The following PPM1F variants were observed in gnomAD, a reference collection of about 807,000 sequenced individuals.
The protein encoded by PPM1F is protein phosphatase 1F.
A neutral mutation model predicts 35.5 loss-of-function variants in PPM1F; 17 were observed. The observed-to-expected ratio is 0.48, with a 90% CI of 0.33 to 0.72. The LOEUF is 0.72. Ranked by LOEUF, PPM1F falls within the 30% of genes least tolerant of loss-of-function variation. PPM1F has a pLI of 0.02. For synonymous variants in PPM1F, 241 were observed against 255.5 expected, an observed-to-expected ratio of 0.94 and a Z score of 0.54; for missense variants, 521 against 613.0, an observed-to-expected ratio of 0.85 and a Z score of 1.59.
At chr22:21,927,942 GTTTTTTTTTTTTTTT>G (rs60216371) in intron 6 of PPM1F, among the ~76,000 whole-genome samples, 4 of 75,126 alleles carry the variant, frequency 5.3e-5, no homozygotes, top group South Asian at 1.3e-3. Flanking sequence ...TTTTTGTTTT[GTTTTTTTTTTTTTTT>G]TTTTTTTTTT....
rs2070430874 is a variant in PPM1F, at chr22:21,920,174, C to T, written c.*2918G>A. 1.3e-5 allele frequency: 2 copies of T among 152,540 alleles called. No homozygotes were observed. Among genetic ancestry groups the T allele is most frequent in the African/African-American group, 4.8e-5 (2 of 41,452 alleles). 9.4% of individuals were successfully genotyped at this position (152,540 alleles called of 1,614,324 possible). A position where few individuals can be genotyped will look rare whatever the true frequency, so the allele number is the denominator to read the frequency against. On this transcript the variant is annotated 3_prime_UTR_variant, in exon 8 of 8. Transcript: ENST00000263212. ...ACTAATAAGACTTAACCACCCCAAC[C>T]TGCTGGCAGCAGGAGGGCCCCTGTG...
At chr22:21,936,831 C>G (rs2070665459) in intron 3 of PPM1F, 1 of 152,220 alleles carries the variant, frequency 6.6e-6, no homozygotes. Context: ...TAAGCTGCTC[C>G]CAGATTCCAG....
intron 3 of PPM1F, chr22:21,937,944 A>G: frequency 2.0e-6 from 1 of 497,378 alleles, no homozygotes; most frequent in Non-Finnish European, 3.1e-6. Context: ...CTTCAGTGGC[A>G]ATTCTTATAA....
chr22:21,931,958 G>C (rs578213969), intron 5 of PPM1F, among the ~76,000 whole-genome samples: 1 of 151,976 alleles, frequency 6.6e-6, no homozygotes, highest in African/African-American at 2.4e-5. Flanking sequence ...GACTATAGGC[G>C]CGTGCCACCA....
rs945531024 is a variant in PPM1F, at chr22:21,938,666, T to G, written c.355+866A>C. 4 of 956,012 alleles carry G rather than the reference T, an allele frequency of 4.2e-6. No individual in the cohort carries two copies. The Admixed American group carries it at 2.1e-4, about 50-fold the overall frequency. The allele number at this position is 956,012 out of a possible 1,614,324, so 59.2% of individuals were successfully genotyped here. On this transcript the variant is annotated intron_variant, in intron 3 of 7. Coordinates refer to ENST00000263212, the MANE Select transcript of PPM1F (RefSeq NM_014634.4). ...AAGGGAAAATCCACTGCAACTCTGC[T>G]GCCTGCTGGCCTGTCCAGGGACAAC...
At chr22:21,924,401 G>A (rs1271367324) in intron 7 of PPM1F, among the ~76,000 whole-genome samples, 1 of 151,876 alleles carries the variant, frequency 6.6e-6, no homozygotes, top group Non-Finnish European at 1.5e-5. Flanking sequence ...CCAAGTAGCT[G>A]CGATTACAGG....
intron 6 of PPM1F, chr22:21,926,046 G>A (rs1370374468): frequency 9.9e-6 from 2 of 202,226 alleles, no homozygotes; most frequent in African/African-American, 2.3e-5. Context: ...GAAAGCTGCT[G>A]GGCCAAGATG....
At chr22:21,923,611 A>G in intron 7 of PPM1F, 140 bp from the exon 8 acceptor site, 2 of 888,978 alleles carry the variant, frequency 2.2e-6, no homozygotes, top group Non-Finnish European at 3.3e-6. Context: ...TTGCTCCCTT[A>G]TGCAAACTGC....
chr22:21,925,834 CAG>C (rs1315830893), intron 6 of PPM1F, 172 bp from the exon 7 acceptor site: 1 of 512,744 alleles, frequency 2.0e-6, no homozygotes, highest in East Asian at 3.0e-5. Flanking sequence ...TCATCAAAAA[CAG>C]TGAGAAATTA....
At chr22:21,942,087 A>G (rs6000236) in intron 2 of PPM1F, 29,600 of 152,044 alleles carry the variant, frequency 0.19, 3,443 homozygotes, top group African/African-American at 0.31. Flanking sequence ...TGTCCCTGAG[A>G]GTGGGGGTCA....
chr22:21,930,490 C>T (rs987259880), intron 6 of PPM1F, among the ~76,000 whole-genome samples: 3 of 152,176 alleles, frequency 2.0e-5, no homozygotes, highest in South Asian at 2.1e-4. Flanking sequence ...ATGCAATGTC[C>T]GCAGCCCCAA....
At chr22:21,932,570 A>G (rs1441876008) in intron 5 of PPM1F, 1 of 152,152 alleles carries the variant, frequency 6.6e-6, no homozygotes, top group Non-Finnish European at 1.5e-5. Context: ...AATGGGTACA[A>G]TATTAGTATT....
At chr22:21,925,904 G>A in intron 6 of PPM1F, 1 of 436,918 alleles carries the variant, frequency 2.3e-6, no homozygotes, top group Non-Finnish European at 4.1e-6. Context: ...ACCACCTGAG[G>A]CCGCCTAGCG....
Position 21,939,608 on chromosome 22 carries a change from G to A in PPM1F, c.279C>T (p.Ser93=), listed in dbSNP as rs376795037. ...CCTCCCTGGGCAACTTCCTGAATTC[G>A]GAAAGGTCTGTCTGTAGCAGCTGTG... ...AVSQLLQTDL[S]EFRKLPREEE... Residue 93 remains serine, a synonymous_variant, in exon 3 of 8, where the codon TCC becomes TCT. Transcript: ENST00000263212. This position sits in a 1 kb window ranked among gnomAD's most constrained non-coding sequence, Gnocchi z 5.1. 16 of 1,563,442 alleles carry A rather than the reference G, an allele frequency of 1.0e-5. No homozygotes were observed. Among genetic ancestry groups the A allele is most frequent in the East Asian group, 9.4e-5 (4 of 42,454 alleles).
chr22:21,939,309 G>C lies in PPM1F; in HGVS notation c.355+223C>G. On this transcript the variant is annotated intron_variant, in intron 3 of 7. Transcript: ENST00000263212. The surrounding 1 kb of genome is among the most constrained non-coding windows in gnomAD (Gnocchi z 5.1). ...GAGGGTGTCTGCACCACCCACCCCT[G>C]CCTCGTGGGCTGACTGGGAACTATA... is the stretch of plus-strand genomic sequence containing the variant. 1 of 595,014 alleles carries C rather than the reference G, an allele frequency of 1.7e-6. No individual in the cohort carries two copies. Among genetic ancestry groups the C allele is most frequent in the East Asian group, 2.9e-5 (1 of 34,180 alleles). The allele number at this position is 595,014 out of a possible 1,614,324, so 36.9% of individuals were successfully genotyped here. A position where few individuals can be genotyped will look rare whatever the true frequency, so the allele number is the denominator to read the frequency against.
At chr22:21,941,089 T>G (rs1386189923) in intron 2 of PPM1F, 1 of 152,216 alleles carries the variant, frequency 6.6e-6, no homozygotes, top group Non-Finnish European at 1.5e-5. Context: ...AATCTGTAAA[T>G]TTTTTTGTAC....
At chr22:21,929,306 C>T (rs1391643417) in intron 6 of PPM1F, among the ~76,000 whole-genome samples, 1 of 152,150 alleles carries the variant, frequency 6.6e-6, no homozygotes, top group Non-Finnish European at 1.5e-5. Context: ...ATGCGGGCTG[C>T]AGCCAAGAAC....
Position 21,931,185 on chromosome 22 carries a change from A to T in PPM1F, c.854T>A (p.Val285Glu). The change falls in exon 6 of 8, where the codon GTG becomes GAG. Residue 285 changes from valine (V) to glutamate (E), a missense_variant. Physicochemically the swap from Val to Glu is moderately radical, Grantham distance 121 (BLOSUM62 -2). Transcript: ENST00000263212. ...SQVILVQQGQ[V>E]VKLMEPHRPE... is the part of the protein sequence containing the mutation. ...TCTGTGTGGCTCCATCAGCTTCACC[A>T]CCTGTCCCTGCTGTACCAAAATGAC... 1 of 1,613,980 alleles carries T rather than the reference A, an allele frequency of 6.2e-7. No homozygotes were observed. The highest frequency in any genetic ancestry group is 8.5e-7 in the Non-Finnish European group (1 of 1,179,982).
chr22:21,946,380 T>G, intron 1 of PPM1F: 1 of 215,236 alleles, frequency 4.6e-6, no homozygotes, highest in Non-Finnish European at 9.2e-6. Context: ...TGGCAGAGGG[T>G]GGCCAGCGTG....
Sources: gnomAD v4.1 joint callset for allele counts (sites outside exome capture counted in the v4.1 genomes callset) on GRCh38, gnomAD v4.1.1 for gene constraint, Gnocchi (gnomAD v3.1) non-coding constraint, MANE v1.5 for transcripts, NCBI Gene and HGNC (gene_info 2026-07-23, HGNC 2026-07-21) for gene names.